EYA1: variants seen among roughly 807,000 people sequenced by gnomAD.
EYA1 encodes the protein protein phosphatase EYA1.
A neutral mutation model predicts 82.0 loss-of-function variants in EYA1; 16 were observed. The observed-to-expected ratio is 0.20, with a 90% CI of 0.13 to 0.30. The LOEUF is 0.30. Among genes scored for constraint, EYA1 ranks in the 10% least tolerant of loss-of-function variants. The probability of loss-of-function intolerance (pLI) is 1.00; values close to 1 mark genes in which losing one functional copy is unlikely to be tolerated. For missense variants in EYA1, 633 were observed against 730.7 expected (o/e 0.87, Z 1.54); for synonymous variants, 261 against 264.4 (o/e 0.99, Z 0.12).
At position 71,382,082 on chromosome 8, in the gene EYA1, T is replaced by C. The variant is rs1167400848; in HGVS notation, c.34-25571A>G. On this transcript the variant is annotated intron_variant, in intron 2 of 18. Coordinates refer to the EYA1 transcript ENST00000643681. ...AAGATGAGAAGAAACAGAATGCTTA[T>C]ATTAAGGCTACCATCTGATCTTACA... Among the ~76,000 whole-genome samples the C allele has an allele frequency of 3.3e-5, 5 of 152,356 alleles. No individual in the cohort carries two copies. In the East Asian group the frequency reaches 7.7e-4, roughly 24 times the overall value.
intron 11 of EYA1, among the ~76,000 whole-genome samples, chr8:71,247,730 A>G (rs1374986418): frequency 1.3e-5 from 2 of 152,160 alleles, no homozygotes. Context: ...GAAAAAGCAA[A>G]TGCTCAAATA....
At chr8:71,310,664 T>C (rs1821236807) in intron 7 of EYA1, among the ~76,000 whole-genome samples, 1 of 152,236 alleles carries the variant, frequency 6.6e-6, no homozygotes, top group Non-Finnish European at 1.5e-5. Context: ...CAGTTTACCA[T>C]TGATGGGCAT....
At position 71,432,575 on chromosome 8, in the gene EYA1, G is replaced by T. The variant is rs149323275; in HGVS notation, c.34-76064C>A. The stretch of plus-strand genomic sequence containing the variant: ...GTCGCCTTCCCCATGTCCTCACATT[G>T]TCTTTCCTTTGTGCTTGGGCATGAT... On this transcript the variant is annotated intron_variant, in intron 2 of 18. Coordinates refer to the EYA1 transcript ENST00000643681. Among the ~76,000 whole-genome samples the T allele has an allele frequency of 6.1e-3, 928 of 152,224 alleles. 12 individuals are homozygous for T. The highest frequency in any genetic ancestry group is 0.022 in the African/African-American group (902 of 41,552).
At chr8:71,341,012 G>A (rs1343178126) in intron 3 of EYA1, among the ~76,000 whole-genome samples, 1 of 152,158 alleles carries the variant, frequency 6.6e-6, no homozygotes, top group Non-Finnish European at 1.5e-5. Context: ...CTACTGATAT[G>A]CAGGCTTTGC....
intron 2 of EYA1, among the ~76,000 whole-genome samples, chr8:71,526,683 C>G (rs913911209): frequency 6.6e-6 from 1 of 152,218 alleles, no homozygotes; most frequent in African/African-American, 2.4e-5. Flanking sequence ...CAGCTGGCTT[C>G]CTCCAGAGTG....
intron 12 of EYA1, among the ~76,000 whole-genome samples, chr8:71,237,607 A>C (rs1812001964): frequency 6.6e-6 from 1 of 152,168 alleles, no homozygotes; most frequent in African/African-American, 2.4e-5. Flanking sequence ...AAAACCACAA[A>C]TTCCATAAAC....
rs532461674 is a variant in EYA1 at position 71,199,812 on chromosome 8, G to GT, written c.1699-393dup. On this transcript the variant is annotated intron_variant, in intron 17 of 17. Coordinates refer to ENST00000340726, the MANE Select transcript of EYA1 (RefSeq NM_000503.6). The stretch of plus-strand genomic sequence containing the variant: ...TTATGAGTTTAAGCAGTTTTCCTTA[G>GT]TTAGTAGTAGTTTACATTTTTTCTA... Among the ~76,000 whole-genome samples the GT allele has an allele frequency of 2.0e-3, 305 of 152,290 alleles. 2 individuals carry two copies. The highest frequency in any genetic ancestry group is 7.0e-3 in the African/African-American group (291 of 41,550).
In EYA1 at chr8:71,233,571, AAAAAAAAAG is replaced by A. The variant is rs1219396763; in HGVS notation, c.1140+11023_1140+11031del. Reference sequence around the variant, plus strand: ...AGAGTGAGACTCCGTCTCAAAAAAAAAAAAAAAAGAAAAAAAAGAAAGCCTTTGTTTTCT... The same window carrying A: ...AGAGTGAGACTCCGTCTCAAAAAAAAAAAAAAAAGAAAGCCTTTGTTTTCT... On this transcript the variant is annotated intron_variant, in intron 12 of 17. Coordinates refer to ENST00000340726, the MANE Select transcript of EYA1 (RefSeq NM_000503.6). Among the ~76,000 whole-genome samples, 116 of 151,922 alleles carry A rather than the reference AAAAAAAAAG, an allele frequency of 7.6e-4. 1 individual carries two copies. The highest frequency in any genetic ancestry group is 5.0e-3 in the Admixed American group (77 of 15,274).
Position 71,299,282 on chromosome 8 carries a change from A to G in EYA1, c.640-49T>C, listed in dbSNP as rs184786501. 1.1e-4 allele frequency: 166 copies of G among 1,555,526 alleles called. No individual in the cohort carries two copies. In the African/African-American group the frequency reaches 2.1e-3, roughly 19 times the overall value. ...ATTGTCTGTCAAAATACTGCTGCTT[A>G]TCTCTTACATATCAAAGTGTAACTG... is the stretch of plus-strand genomic sequence containing the variant. On this transcript the variant is annotated intron_variant, in intron 8 of 17. Transcript: ENST00000340726.
At chr8:71,401,769 T>C (rs1829970383) in intron 2 of EYA1, among the ~76,000 whole-genome samples, 1 of 152,222 alleles carries the variant, frequency 6.6e-6, no homozygotes, top group African/African-American at 2.4e-5. Context: ...GAGAAAGCTT[T>C]CGATAAATCC....
intron 2 of EYA1, among the ~76,000 whole-genome samples, chr8:71,448,009 C>T (rs889855657): frequency 5.1e-4 from 36 of 70,826 alleles, no homozygotes; most frequent in East Asian, 1.8e-3. Flanking sequence ...TGTTTAAGAG[C>T]TTTTTTTTTT....
At chr8:71,228,602 C>T (rs1466983738) in intron 12 of EYA1, among the ~76,000 whole-genome samples, 1 of 152,170 alleles carries the variant, frequency 6.6e-6, no homozygotes, top group Non-Finnish European at 1.5e-5. Flanking sequence ...ATTAGAATAG[C>T]ATGAGTATTA....
At chr8:71,298,575 G>T (rs1819839665) in intron 9 of EYA1, among the ~76,000 whole-genome samples, 1 of 152,168 alleles carries the variant, frequency 6.6e-6, no homozygotes, top group South Asian at 2.1e-4. Context: ...ACATTGTCAT[G>T]AAATTCACAG....
chr8:71,232,832 C>T (rs1585900021), intron 12 of EYA1, among the ~76,000 whole-genome samples: 1 of 152,174 alleles, frequency 6.6e-6, no homozygotes, highest in Non-Finnish European at 1.5e-5. Context: ...CAGGGCTTGA[C>T]CCAGCATTCT....
intron 2 of EYA1, among the ~76,000 whole-genome samples, chr8:71,448,072 C>T (rs900976226): frequency 7.1e-6 from 1 of 140,180 alleles, no homozygotes. Context: ...GATCTTGGCT[C>T]ACTGCAACCT....
intron 7 of EYA1, among the ~76,000 whole-genome samples, chr8:71,305,155 G>A (rs1820588242): frequency 7.0e-6 from 1 of 142,786 alleles, no homozygotes; most frequent in Non-Finnish European, 1.6e-5. Context: ...GTAATGTTTG[G>A]AATTCTTTAA....
At chr8:71,219,049 C>A (rs527730376) in intron 12 of EYA1, among the ~76,000 whole-genome samples, 2 of 152,154 alleles carry the variant, frequency 1.3e-5, no homozygotes, top group African/African-American at 4.8e-5. Context: ...TTTTCTGAAG[C>A]GAATTTAGCT....
chr8:71,200,282 A>G (rs1181626334), intron 17 of EYA1: 3 of 152,246 alleles, frequency 2.0e-5, no homozygotes, highest in African/African-American at 7.2e-5. Context: ...ATAATTTGCA[A>G]TTATAGTTCT....
intron 2 of EYA1, among the ~76,000 whole-genome samples, chr8:71,381,695 G>A (rs984314347): frequency 7.9e-5 from 12 of 152,188 alleles, no homozygotes; most frequent in Non-Finnish European, 1.5e-4. Context: ...ACACGGAAGT[G>A]TGCCTAAAAT....
Sources: allele counts gnomAD v4.1 joint callset (sites outside exome capture counted in the v4.1 genomes callset), GRCh38; gene constraint gnomAD v4.1.1; transcripts MANE v1.5; gene names NCBI Gene and HGNC (gene_info 2026-07-23, HGNC 2026-07-21).